MYH15: variants seen among roughly 807,000 people sequenced by gnomAD.
The protein encoded by MYH15 is myosin heavy chain 15.
Under a neutral mutation model 240.5 loss-of-function variants are expected in MYH15, and 227 were observed. The observed-to-expected ratio is 0.94, with a 90% CI of 0.85 to 1.05. The LOEUF (loss-of-function observed/expected upper bound fraction) is 1.05, where lower values mean the gene tolerates loss of function less well. Among genes scored for constraint, MYH15 ranks in the 50% least tolerant of loss-of-function variants. The pLI is 0.00. For synonymous variants in MYH15, 785 were observed against 796.7 expected (o/e 0.99, Z 0.25); for missense variants, 2,217 against 2,247.5 (o/e 0.99, Z 0.27).
the MYH15 span, among the ~76,000 whole-genome samples, chr3:108,539,878 A>C: frequency 6.6e-6 from 1 of 152,168 alleles, no homozygotes; most frequent in Non-Finnish European, 1.5e-5. Context: ...GTCTTTAAAG[A>C]ACATAAGCCT....
rs571723757 is a variant in MYH15, at chr3:108,444,384, T to C, written c.2655+256A>G. ...CTTTAAATTAAGACCCAGAGCTTCC[T>C]GGCCTCCATGATGTGCTATTATACA... is the stretch of plus-strand genomic sequence containing the variant. On this transcript the variant is annotated intron_variant, in intron 22 of 40. Coordinates refer to ENST00000693548, the MANE Select transcript of MYH15 (RefSeq NM_014981.3). Among the ~76,000 whole-genome samples, 147 of 152,282 alleles carry C rather than the reference T, an allele frequency of 9.7e-4. 1 individual carries two copies. The highest frequency in any genetic ancestry group is 3.4e-3 in the African/African-American group (142 of 41,564).
chr3:108,536,736 T>G, the MYH15 span, among the ~76,000 whole-genome samples: 1 of 152,182 alleles, frequency 6.6e-6, no homozygotes, highest in South Asian at 2.1e-4. Context: ...AAGTTTCCAA[T>G]AAGGGGCCTT....
chr3:108,546,933 C>T, the MYH15 span, among the ~76,000 whole-genome samples: 1 of 152,210 alleles, frequency 6.6e-6, no homozygotes, highest in Non-Finnish European at 1.5e-5. Context: ...AAGTGATTTG[C>T]ATGTTGAAAA....
intron 12 of MYH15, among the ~76,000 whole-genome samples, chr3:108,475,091 T>C (rs994055856): frequency 5.9e-5 from 9 of 152,214 alleles, no homozygotes; most frequent in Admixed American, 1.3e-4. Context: ...GACACATCAG[T>C]TACCTTAATA....
chr3:108,405,897 T>G (rs1286251002), intron 32 of MYH15, among the ~76,000 whole-genome samples: 1 of 152,204 alleles, frequency 6.6e-6, no homozygotes, highest in African/African-American at 2.4e-5. Flanking sequence ...AAAAGTTGGA[T>G]GTATTCAGAG....
At chr3:108,459,491 T>A in intron 17 of MYH15, 42 bp from the exon 18 acceptor site, 1 of 1,310,410 alleles carries the variant, frequency 7.6e-7, no homozygotes, top group Admixed American at 2.1e-5. Context: ...ACTTTGCAAA[T>A]CACTAAAAAC....
chr3:108,497,975 A>G (rs1022826222), intron 6 of MYH15, 77 bp downstream of exon 6: 2 of 1,271,188 alleles, frequency 1.6e-6, no homozygotes, highest in Admixed American at 3.6e-5. Flanking sequence ...ACTTCCCAAA[A>G]GTGGTCCGGA....
intron 26 of MYH15, 76 bp downstream of exon 26, chr3:108,430,756 G>C: frequency 8.7e-7 from 1 of 1,155,868 alleles, no homozygotes. Context: ...CCTTGGCAGA[G>C]AATTAGTCAT....
the MYH15 span, among the ~76,000 whole-genome samples, chr3:108,540,241 T>C: frequency 6.6e-6 from 1 of 152,208 alleles, no homozygotes; most frequent in Non-Finnish European, 1.5e-5. Flanking sequence ...TGATTTGCAC[T>C]GGTGAATAAA....
At chr3:108,539,227 G>A in the MYH15 span, among the ~76,000 whole-genome samples, 2 of 152,178 alleles carry the variant, frequency 1.3e-5, no homozygotes, top group Non-Finnish European at 1.5e-5. Context: ...TCATATTATT[G>A]AGTGAAAGAC....
intron 1 of MYH15, among the ~76,000 whole-genome samples, chr3:108,509,795 T>G (rs577967568): frequency 6.6e-6 from 1 of 152,158 alleles, no homozygotes; most frequent in Non-Finnish European, 1.5e-5. Context: ...GAGATTTCAA[T>G]GTAGAACTTA....
chr3:108,434,467 C>T (rs1305166717), intron 25 of MYH15, among the ~76,000 whole-genome samples: 2 of 151,804 alleles, frequency 1.3e-5, no homozygotes, highest in East Asian at 1.9e-4. Flanking sequence ...CAGGCATGAG[C>T]CACCACACCC....
chr3:108,385,330 T>C (rs189834544), intron 38 of MYH15, among the ~76,000 whole-genome samples: 1 of 152,310 alleles, frequency 6.6e-6, no homozygotes, highest in Non-Finnish European at 1.5e-5. Flanking sequence ...TGGTTTTGAG[T>C]AATAGAACTA....
chr3:108,381,640 T>C, intron 40 of MYH15, 81 bp from the exon 41 acceptor site: 1 of 1,512,776 alleles, frequency 6.6e-7, no homozygotes, highest in Non-Finnish European at 9.2e-7. Flanking sequence ...CCAAGCTGAG[T>C]CCCTTCCAGA....
At chr3:108,453,381 CA>C (rs1411022503) in intron 21 of MYH15, among the ~76,000 whole-genome samples, 1 of 152,184 alleles carries the variant, frequency 6.6e-6, no homozygotes, top group East Asian at 1.9e-4. Flanking sequence ...CTTCAGAAGA[CA>C]ATATATGCTA....
Position 108,398,798 on chromosome 3 carries a change from C to T in MYH15, c.4972G>A (p.Asp1658Asn), listed in dbSNP as rs1560317075. 1 of 1,614,224 alleles carries T rather than the reference C, an allele frequency of 6.2e-7. No individual in the cohort carries two copies. Among genetic ancestry groups the T allele is most frequent in the Non-Finnish European group, 8.5e-7 (1 of 1,180,038 alleles). ...GCCACAGCCACCTGCTCCTTCAGAT[C>T]ACTGTTCAGTTGTGTGCTGTCATCC... ...QLDDSTQLNS[D>N]LKEQVAVAER... Residue 1658 changes from aspartate to asparagine, a missense_variant, in exon 35 of 41, where the codon GAT (aspartate) becomes AAT (asparagine). Transcript: ENST00000693548.
At chr3:108,391,173 C>T (rs1419109243) in intron 37 of MYH15, among the ~76,000 whole-genome samples, 1 of 152,178 alleles carries the variant, frequency 6.6e-6, no homozygotes, top group African/African-American at 2.4e-5. Context: ...ATATTCTTTC[C>T]ATTCTTGTAG....
chr3:108,390,361 G>A lies in MYH15; in HGVS notation c.5431-1287C>T, dbSNP rs116854021. Among the ~76,000 whole-genome samples, 6 of 152,210 alleles carry A rather than the reference G, an allele frequency of 3.9e-5. No individual in the cohort carries two copies. In the East Asian group the frequency reaches 1.2e-3, roughly 29 times the overall value. On this transcript the variant is annotated intron_variant, in intron 37 of 40. Transcript: ENST00000693548. ...GTTCATTGCTGGTCGTTGCTACTGA[G>A]TTATCACTGGTTCTAGGCCATAATA...
At chr3:108,514,840 C>T (rs1158602449), upstream of MYH15, among the ~76,000 whole-genome samples, 1 of 152,166 alleles carries the variant, frequency 6.6e-6, no homozygotes, top group Admixed American at 6.5e-5. Context: ...CTGTCTCATT[C>T]TCTGCCCACC....
Sources: gnomAD v4.1 joint callset for allele counts (sites outside exome capture counted in the v4.1 genomes callset) on GRCh38, gnomAD v4.1.1 for gene constraint, MANE v1.5 for transcripts, NCBI Gene and HGNC (gene_info 2026-07-23, HGNC 2026-07-21) for gene names.